The following TGIF1 variants were observed in gnomAD, a reference collection of about 807,000 sequenced individuals.
TGIF1 encodes TGFB induced factor homeobox 1.
A neutral mutation model predicts 19.3 loss-of-function variants in TGIF1; 4 were observed. The ratio of observed to expected loss-of-function variants is 0.21; its 90% CI spans 0.10 to 0.47. The LOEUF is 0.47. Ranked by LOEUF, TGIF1 falls within the 20% of genes least tolerant of loss-of-function variation. The pLI is 0.98. For missense variants in TGIF1, 275 were observed against 341.4 expected (o/e 0.81, Z 1.53); for synonymous variants, 122 against 129.3 (o/e 0.94, Z 0.38).
chr18:3,423,724 G>A (rs933821463), intron 2 of TGIF1, among the ~76,000 whole-genome samples: 2 of 151,908 alleles, frequency 1.3e-5, no homozygotes, highest in Non-Finnish European at 1.5e-5. Flanking sequence ...GTGTGGTGGT[G>A]CACACTTGCA....
chr18:3,447,991 G>A (rs1256473557), upstream of TGIF1: 1 of 938,118 alleles, frequency 1.1e-6, no homozygotes, highest in Non-Finnish European at 1.3e-6. Context: ...CTACCTTTGT[G>A]TACATAATGA....
At chr18:3,413,501 T>C (rs1039035437) in intron 1 of TGIF1, among the ~76,000 whole-genome samples, 2 of 152,224 alleles carry the variant, frequency 1.3e-5, no homozygotes, top group Admixed American at 6.5e-5. Context: ...AGTTGTTATT[T>C]TTCTCTGAGT....
rs1568029601 is a variant in TGIF1 at position 3,422,691 on chromosome 18, T to TG, written c.-45+4476_-45+4477insG. ...AGGTGGCCTTTTTTTTTTTTTTTTT[T>TG]TTTTTTTTTTTTTTTTTGAGACAGA... On this transcript the variant is annotated intron_variant, in intron 2 of 3. Coordinates refer to the TGIF1 transcript ENST00000401449. Among the ~76,000 whole-genome samples the TG allele has an allele frequency of 4.9e-3, 680 of 137,724 alleles. 17 individuals carry two copies. The highest frequency in any genetic ancestry group is 0.017 in the African/African-American group (632 of 37,404). 90.4% of individuals were successfully genotyped at this position (137,724 alleles called of 152,430 possible).
rs757972978 is a variant in TGIF1, at chr18:3,458,684, C to A, written c.*744C>A. 2 of 152,770 alleles carry A rather than the reference C, an allele frequency of 1.3e-5. No homozygotes were observed. The highest frequency in any genetic ancestry group is 4.1e-4 in the South Asian group (2 of 4,854). 9.5% of individuals were successfully genotyped at this position (152,770 alleles called of 1,614,324 possible). On this transcript the variant is annotated 3_prime_UTR_variant, in exon 3 of 3. Coordinates refer to ENST00000343820, the MANE Select transcript of TGIF1 (RefSeq NM_003244.4). ...TTAGTGTTTAGCTAGCCACTAAATC[C>A]CTTGCTGATCTGTCCTGCGTAGTTT...
chr18:3,453,012 A>C (rs1379294206), intron 1 of TGIF1, among the ~76,000 whole-genome samples: 1 of 152,044 alleles, frequency 6.6e-6, no homozygotes, highest in Non-Finnish European at 1.5e-5. Flanking sequence ...CTGCTTTGGG[A>C]TTGCTCTTTG....
intron 1 of TGIF1, chr18:3,453,967 A>C: frequency 5.1e-6 from 2 of 390,586 alleles, no homozygotes; most frequent in Non-Finnish European, 7.0e-6. Flanking sequence ...TTCCAAGCTG[A>C]GCCACAACTA....
intron 1 of TGIF1, among the ~76,000 whole-genome samples, chr18:3,416,787 C>A (rs551506813): frequency 2.6e-5 from 4 of 151,550 alleles, no homozygotes; most frequent in Non-Finnish European, 5.9e-5. Context: ...CAAAAATTAG[C>A]CGGGCGTGTT....
At chr18:3,414,616 T>TC (rs886388031) in intron 1 of TGIF1, among the ~76,000 whole-genome samples, 1 of 152,256 alleles carries the variant, frequency 6.6e-6, no homozygotes, top group African/African-American at 2.4e-5. Flanking sequence ...ATCTGTGTCC[T>TC]CTCTAGACCT....
At chr18:3,432,187 T>A (rs1474179092) in intron 2 of TGIF1, among the ~76,000 whole-genome samples, 1 of 149,178 alleles carries the variant, frequency 6.7e-6, no homozygotes, top group Non-Finnish European at 1.5e-5. Context: ...TTTTGTGATA[T>A]ATCTGTCCAA....
intron 1 of TGIF1, among the ~76,000 whole-genome samples, chr18:3,454,275 A>G (rs1380993627): frequency 6.6e-6 from 1 of 152,186 alleles, no homozygotes; most frequent in African/African-American, 2.4e-5. Context: ...CAAGCAGATC[A>G]AAGGGCAGCC....
chr18:3,430,057 G>A (rs1434666147), intron 2 of TGIF1, among the ~76,000 whole-genome samples: 1 of 152,236 alleles, frequency 6.6e-6, no homozygotes, highest in Non-Finnish European at 1.5e-5. Context: ...TCGGGAGGCT[G>A]AGGCAGGAGA....
chr18:3,445,758 AGAAAAGC>A (rs1568041637), upstream of TGIF1, among the ~76,000 whole-genome samples: 15 of 94,092 alleles, frequency 1.6e-4, no homozygotes, highest in South Asian at 3.6e-4. Flanking sequence ...AAAAAAGAGA[AGAAAAGC>A]AAAAAAAAAA....
chr18:3,433,335 A>G (rs1158809754), intron 2 of TGIF1, among the ~76,000 whole-genome samples: 3 of 152,168 alleles, frequency 2.0e-5, no homozygotes, highest in Non-Finnish European at 2.9e-5. Context: ...CAGCCTCCCA[A>G]AGTGCTAGGA....
upstream of TGIF1, among the ~76,000 whole-genome samples, chr18:3,446,246 C>T (rs1270518689): frequency 6.6e-6 from 1 of 152,130 alleles, no homozygotes; most frequent in Non-Finnish European, 1.5e-5. Context: ...TGCAATGGCA[C>T]GATCTCAGCT....
chr18:3,427,078 G>A, intron 2 of TGIF1, among the ~76,000 whole-genome samples: 1 of 151,890 alleles, frequency 6.6e-6, no homozygotes. Flanking sequence ...CAAATAGCTG[G>A]GATTACAGGC....
chr18:3,422,673 C>CTTTTTTGTTTTTTGT (rs1481496826), intron 2 of TGIF1, among the ~76,000 whole-genome samples: 1 of 24,672 alleles, frequency 4.1e-5, no homozygotes, highest in African/African-American at 7.3e-5. Context: ...TATAGGTGGC[C>CTTTTTTGTTTTTTGT]TTTTTTTTTT....
chr18:3,432,637 G>A (rs1440528970), intron 2 of TGIF1, among the ~76,000 whole-genome samples: 1 of 152,144 alleles, frequency 6.6e-6, no homozygotes, highest in African/African-American at 2.4e-5. Flanking sequence ...TATGGGAAAC[G>A]ATTATATGTA....
intron 1 of TGIF1, chr18:3,452,380 A>T: frequency 6.2e-7 from 1 of 1,613,130 alleles, no homozygotes; most frequent in Non-Finnish European, 8.5e-7. Context: ...GAAACAATGA[A>T]AGGTGACGGG....
chr18:3,412,589 T>A (rs1025742531), intron 1 of TGIF1, among the ~76,000 whole-genome samples: 2 of 152,212 alleles, frequency 1.3e-5, no homozygotes, highest in African/African-American at 4.8e-5. Flanking sequence ...ATGAGTAATT[T>A]TTCTAACTTG....
Sources: allele counts gnomAD v4.1 joint callset (sites outside exome capture counted in the v4.1 genomes callset), GRCh38; gene constraint gnomAD v4.1.1; transcripts MANE v1.5; gene names NCBI Gene and HGNC (gene_info 2026-07-23, HGNC 2026-07-21).